ATG2A: variants seen among roughly 807,000 people sequenced by gnomAD.
The protein encoded by ATG2A is autophagy-related protein 2 homolog A.
In ATG2A, 103 loss-of-function variants were observed where a neutral mutation model predicts 214.2. The ratio of observed to expected loss-of-function variants is 0.48; its 90% CI spans 0.41 to 0.57. ATG2A has a LOEUF of 0.57. ATG2A is among the 20% of genes least tolerant of loss of function. The probability of loss-of-function intolerance (pLI) is 0.00; values close to 1 mark genes in which losing one functional copy is unlikely to be tolerated. For missense variants in ATG2A, 2,312 were observed against 2,613.2 expected (o/e 0.88, Z 2.51); for synonymous variants, 1,160 against 1,142.1 (o/e 1.02, Z -0.32).
At position 64,916,999 on chromosome 11, in the gene ATG2A, C is replaced by G; in HGVS notation, c.137G>C (p.Ser46Thr). The G allele has an allele frequency of 6.2e-7, 1 of 1,613,782 alleles. No individual in the cohort carries two copies. Among genetic ancestry groups the G allele is most frequent in the Non-Finnish European group, 8.5e-7 (1 of 1,180,010 alleles). ...CAGGTGGATGTCTCGCAGGGCAACG[C>G]TGCCCTTGTACAGATCGAGGCTGAG... Reference protein sequence around the residue: ...DQLSLDLYKGSVALRDIHLEI... With the variant: ...DQLSLDLYKGTVALRDIHLEI... Residue 46 changes from serine to threonine, a missense_variant, in exon 1 of 41, where the codon AGC (serine) becomes ACC (threonine). Coordinates refer to ENST00000377264, the MANE Select transcript of ATG2A (RefSeq NM_015104.3).
intron 16 of ATG2A, among the ~76,000 whole-genome samples, 190 bp from the exon 17 acceptor site, chr11:64,908,080 C>A (rs1944623844): frequency 6.6e-6 from 1 of 152,188 alleles, no homozygotes. Context: ...CTAAGGGCTT[C>A]AGGTATGTTA....
chr11:64,908,029 T>G, intron 16 of ATG2A, 139 bp from the exon 17 acceptor site: 1 of 1,032,892 alleles, frequency 9.7e-7, no homozygotes, highest in East Asian at 2.6e-5. Context: ...GGATGCATGA[T>G]AGCCGTACAG....
Position 64,910,627 on chromosome 11 carries a change from G to A in ATG2A, c.1696C>T (p.Arg566Cys), listed in dbSNP as rs140600460. ...AGCGGGTGGGTTACCTTAGGCACACGGCGCAGGATCTGTGTGTGGCGCAGA... is the reference window on the plus strand; with the variant it reads ...AGCGGGTGGGTTACCTTAGGCACACAGCGCAGGATCTGTGTGTGGCGCAGA... ...AHLRHTQILR[R>C]VPKSRPRRSV... is the part of the protein sequence containing the mutation. Residue 566 changes from arginine to cysteine, a missense_variant, in exon 12 of 41, where the codon CGT becomes TGT. By Grantham distance (180) the Arg-to-Cys change is radical. Coordinates refer to ENST00000377264, the MANE Select transcript of ATG2A (RefSeq NM_015104.3). 6.2e-6 allele frequency: 10 copies of A among 1,602,684 alleles called. No individual in the cohort carries two copies. In the East Asian group the frequency reaches 6.8e-5, roughly 11 times the overall value.
chr11:64,894,798 C>T lies in ATG2A; in HGVS notation c.*175G>A, dbSNP rs1246860795. 1 of 835,812 alleles carries T rather than the reference C, an allele frequency of 1.2e-6. No individual in the cohort carries two copies. Among genetic ancestry groups the T allele is most frequent in the Non-Finnish European group, 2.0e-6 (1 of 491,796 alleles). 51.8% of individuals were successfully genotyped at this position (835,812 alleles called of 1,614,324 possible). On this transcript the variant is annotated 3_prime_UTR_variant, in exon 41 of 41. Transcript: ENST00000377264. ...AAAAGTGCAGAGCCAGGGCTAAGGC[C>T]CCAAGGCAGGGAGGCCCCCCTCTCA... is the stretch of plus-strand genomic sequence containing the variant.
chr11:64,905,855 A>C lies in ATG2A; in HGVS notation c.3265-7T>G, dbSNP rs780710566. 40 of 1,612,308 alleles carry C rather than the reference A, an allele frequency of 2.5e-5. No individual in the cohort carries two copies. The highest frequency in any genetic ancestry group is 3.2e-5 in the Non-Finnish European group (38 of 1,179,282). ...CGTCTAGGAACTCCAACAACTTCAG[A>C]GGCCAGGGCAGGAGGAAGCAGTGAG... On this transcript the variant is annotated splice_polypyrimidine_tract_variant and splice_region_variant and intron_variant, in intron 22 of 40. Coordinates refer to ENST00000377264, the MANE Select transcript of ATG2A (RefSeq NM_015104.3).
rs1355571956 is a variant in ATG2A, at chr11:64,909,804, G to T, written c.1984C>A (p.Gln662Lys). 6.2e-7 allele frequency: 1 copy of T among 1,611,800 alleles called. No homozygotes were observed. Among genetic ancestry groups the T allele is most frequent in the Non-Finnish European group, 8.5e-7 (1 of 1,179,598 alleles). ...CGAAGCTGCTCAGCCCGCACGGCCT[G>T]GCCCGCCCAGGGGTCCGGCTCAGGC... ...LRPEPDPWAG[Q>K]AVRAEQLRLE... The change falls in exon 14 of 41, where the codon CAG becomes AAG. Residue 662 changes from glutamine to lysine, a missense_variant. Coordinates refer to ENST00000377264, the MANE Select transcript of ATG2A (RefSeq NM_015104.3).
Position 64,895,803 on chromosome 11 carries a change from G to C in ATG2A, c.5428-361C>G, listed in dbSNP as rs1944130172. ...CCTGGCCCCCCAGACGCCCCTGCCA[G>C]ATGGTCAGAGGCCCATCCTTCCTTC... On this transcript the variant is annotated intron_variant, in intron 39 of 40. Transcript: ENST00000377264. The surrounding 1 kb of genome is among the most constrained non-coding windows in gnomAD (Gnocchi z 5.0). 6.6e-6 allele frequency among the ~76,000 whole-genome samples: 1 copy of C among 152,174 alleles called. No homozygotes were observed. The highest frequency in any genetic ancestry group is 2.1e-4 in the South Asian group (1 of 4,830).
Position 64,913,740 on chromosome 11 carries a change from C to T in ATG2A, c.590+81G>A. 7.1e-7 allele frequency: 1 copy of T among 1,406,832 alleles called. No homozygotes were observed. Among genetic ancestry groups the T allele is most frequent in the Non-Finnish European group, 9.9e-7 (1 of 1,008,254 alleles). 87.1% of individuals were successfully genotyped at this position (1,406,832 alleles called of 1,614,324 possible). A position where few individuals can be genotyped will look rare whatever the true frequency, so the allele number is the denominator to read the frequency against. On this transcript the variant is annotated intron_variant, in intron 4 of 40. Transcript: ENST00000377264. The surrounding 1 kb of genome is among the most constrained non-coding windows in gnomAD (Gnocchi z 4.3). Reference sequence around the variant, plus strand: ...GATCCACCCTGCCTCTTCCCAGGAACCTAGGCTGCGGGTGGGGACCATCCA... The same window carrying T: ...GATCCACCCTGCCTCTTCCCAGGAATCTAGGCTGCGGGTGGGGACCATCCA...
Position 64,895,361 on chromosome 11 carries a change from T to A in ATG2A, c.5509A>T (p.Arg1837Trp). Reference sequence around the variant, plus strand: ...GCAGGCTGCTGGCCCCTGCGCAGCCTCCGCGCAGAGCGCTTATCCTGCAGG... The same window carrying A: ...GCAGGCTGCTGGCCCCTGCGCAGCCACCGCGCAGAGCGCTTATCCTGCAGG... The part of the protein sequence containing the change: ...RSLQDKRSAR[R>W]LRRGQQPADL... Residue 1837 changes from arginine to tryptophan, a missense_variant, in exon 40 of 41, where the codon AGG becomes TGG. Arg to Trp is a moderately radical substitution (Grantham distance 101). Transcript: ENST00000377264. The surrounding 1 kb of genome is among the most constrained non-coding windows in gnomAD (Gnocchi z 5.0). 6.2e-7 allele frequency: 1 copy of A among 1,612,958 alleles called. No homozygotes were observed. The highest frequency in any genetic ancestry group is 8.5e-7 in the Non-Finnish European group (1 of 1,179,730).
At position 64,914,425 on chromosome 11, in the gene ATG2A, C is replaced by A. The variant is rs1460717159; in HGVS notation, c.247G>T (p.Ala83Ser). 1 of 1,612,224 alleles carries A rather than the reference C, an allele frequency of 6.2e-7. No homozygotes were observed. The highest frequency in any genetic ancestry group is 1.3e-5 in the African/African-American group (1 of 74,918). The change falls in exon 2 of 41, where the codon GCC (alanine) becomes TCC (serine). Residue 83 changes from alanine (A) to serine (S), a missense_variant. Coordinates refer to ENST00000377264, the MANE Select transcript of ATG2A (RefSeq NM_015104.3). ...GTGAGCAGAGCAGCCCAGGGCACGGCCACCTCGATGGAGCCCACGAAGCCT... is the reference window on the plus strand; with the variant it reads ...GTGAGCAGAGCAGCCCAGGGCACGGACACCTCGATGGAGCCCACGAAGCCT... The part of the protein sequence containing the change: ...VEGFVGSIEV[A>S]VPWAALLTDH...
intron 1 of ATG2A, 85 bp downstream of exon 1, chr11:64,916,880 C>A: frequency 6.4e-7 from 1 of 1,555,478 alleles, no homozygotes; most frequent in Non-Finnish European, 8.7e-7. Context: ...GTGCCTGATC[C>A]CCCAGCCCGA....
At chr11:64,901,229 G>A in intron 29 of ATG2A, 137 bp from the exon 30 acceptor site, 2 of 860,566 alleles carry the variant, frequency 2.3e-6, no homozygotes, top group Non-Finnish European at 3.5e-6. Flanking sequence ...GGTCACCCAG[G>A]CTGGAGTGCA....
chr11:64,905,136 G>A (rs1460211885), intron 24 of ATG2A, among the ~76,000 whole-genome samples: 4 of 152,146 alleles, frequency 2.6e-5, no homozygotes, highest in Non-Finnish European at 5.9e-5. Flanking sequence ...TTACAGGTGT[G>A]AGCCACCGCA....
Position 64,912,439 on chromosome 11 carries a change from G to A in ATG2A, c.826-16C>T. The A allele has an allele frequency of 6.5e-7, 1 of 1,543,240 alleles. No homozygotes were observed. The highest frequency in any genetic ancestry group is 1.4e-5 in the African/African-American group (1 of 72,952). On this transcript the variant is annotated splice_polypyrimidine_tract_variant and intron_variant, in intron 6 of 40. Transcript: ENST00000377264. ...CCACCTCCAACTGGGGGCCAAGGAG[G>A]CAGCCATGGAGCCTAGGCCCACCAC...
At chr11:64,906,613 C>T in intron 20 of ATG2A, 52 bp downstream of exon 20, 1 of 1,608,962 alleles carries the variant, frequency 6.2e-7, no homozygotes. Context: ...TCCTGAAAGC[C>T]CTCCACCCCC....
Position 64,913,056 on chromosome 11 carries a change from C to A in ATG2A, c.807G>T (p.Glu269Asp). 6.4e-7 allele frequency: 1 copy of A among 1,563,700 alleles called. No homozygotes were observed. The highest frequency in any genetic ancestry group is 8.7e-7 in the Non-Finnish European group (1 of 1,153,646). Residue 269 changes from glutamate to aspartate, a missense_variant, in exon 6 of 41, where the codon GAG (glutamate) becomes GAT (aspartate). Transcript: ENST00000377264. This position sits in a 1 kb window ranked among gnomAD's most constrained non-coding sequence, Gnocchi z 4.3. ...GACCCACCTTGGGGCCAGGGAAGGC[C>A]TCATTTTGCTTCAACTTCACCATCA... ...MELMVKLKQN[E>D]AFPGPKLEVA...
chr11:64,906,120 T>G lies in ATG2A; in HGVS notation c.3257A>C (p.His1086Pro). The G allele has an allele frequency of 6.3e-7, 1 of 1,581,474 alleles. No individual in the cohort carries two copies. Among genetic ancestry groups the G allele is most frequent in the East Asian group, 2.3e-5 (1 of 43,102 alleles). Reference sequence around the variant, plus strand: ...CCCACCACCCACGCTCACCTGGGAATGCCAGCTCTGCTCGGGCAGGGCCAT... The same window carrying G: ...CCCACCACCCACGCTCACCTGGGAAGGCCAGCTCTGCTCGGGCAGGGCCAT... ...HYMALPEQSWHSQLLEFLDVL... is the reference protein window; with the variant it reads ...HYMALPEQSWPSQLLEFLDVL... The change falls in exon 22 of 41, where the codon CAT becomes CCT. Residue 1086 changes from histidine (H) to proline (P), a missense_variant. Coordinates refer to ENST00000377264, the MANE Select transcript of ATG2A (RefSeq NM_015104.3).
Position 64,907,602 on chromosome 11 carries a change from G to A in ATG2A, c.2570C>T (p.Ala857Val), listed in dbSNP as rs61741398. 3.9e-3 allele frequency: 6,009 copies of A among 1,558,154 alleles called. 193 individuals are homozygous for A. In the African/African-American group the frequency reaches 0.07, roughly 18 times the overall value. Residue 857 changes from alanine to valine, a missense_variant, in exon 18 of 41, where the codon GCC becomes GTC. Physicochemically the swap from Ala to Val is moderately conservative, Grantham distance 64. Transcript: ENST00000377264. ...ADLLPTPDPA[A>V]QPSGFPGPSG... Reference sequence around the variant, plus strand: ...GGGGCCGGGGAAGCCCGAGGGCTGGGCGGCGGGGTCGGGGGTGGGAAGCAG... The same window carrying A: ...GGGGCCGGGGAAGCCCGAGGGCTGGACGGCGGGGTCGGGGGTGGGAAGCAG...
At position 64,913,158 on chromosome 11, in the gene ATG2A, G is replaced by C; in HGVS notation, c.727-22C>G. 6.3e-7 allele frequency: 1 copy of C among 1,593,604 alleles called. No individual in the cohort carries two copies. Among genetic ancestry groups the C allele is most frequent in the Non-Finnish European group, 8.6e-7 (1 of 1,168,378 alleles). On this transcript the variant is annotated intron_variant, in intron 5 of 40. Transcript: ENST00000377264. This position sits in a 1 kb window ranked among gnomAD's most constrained non-coding sequence, Gnocchi z 4.3. ...CTTCCTGGGAGACGGGAGGATACAA[G>C]AGGGAAAGGTTGAGAAAATGGAGTC...
Sources: allele counts gnomAD v4.1 joint callset (sites outside exome capture counted in the v4.1 genomes callset), GRCh38; gene constraint gnomAD v4.1.1; non-coding constraint Gnocchi (gnomAD v3.1); transcripts MANE v1.5; gene names NCBI Gene and HGNC (gene_info 2026-07-23, HGNC 2026-07-21).